Variants in ALPK2 observed in about 807,000 individuals in gnomAD.
ALPK2 encodes alpha kinase 2, also known as alpha-protein kinase 2.
In ALPK2, 127 loss-of-function variants were observed where a neutral mutation model predicts 163.1. The ratio of observed to expected loss-of-function variants is 0.78; its 90% CI spans 0.67 to 0.90. The LOEUF (loss-of-function observed/expected upper bound fraction) is 0.90, where lower values mean the gene tolerates loss of function less well. ALPK2 is among the 40% of genes least tolerant of loss of function. The pLI is 0.00. For missense variants in ALPK2, 2,360 were observed against 2,589.6 expected (o/e 0.91, Z 1.92); for synonymous variants, 953 against 959.1 (o/e 0.99, Z 0.12).
chr18:58,481,927 T>G lies in ALPK2; in HGVS notation c.6409A>C (p.Asn2137His). The part of the protein sequence containing the change: ...MLGLKSLQNN[N>H]QKQKQPSIGK... ...ATGCTCGGCTGCTTCTGTTTCTGGT[T>G]GTTGTTTTGAAGGGATTTCAGTCCC... The change falls in exon 13 of 13, where the codon AAC (asparagine) becomes CAC (histidine). Residue 2137 changes from asparagine (N) to histidine (H), a missense_variant. Coordinates refer to ENST00000361673, the MANE Select transcript of ALPK2 (RefSeq NM_052947.4). The G allele has an allele frequency of 6.2e-7, 1 of 1,614,238 alleles. No homozygotes were observed. The highest frequency in any genetic ancestry group is 1.1e-5 in the South Asian group (1 of 91,084).
At chr18:58,612,033 A>G (rs577795691) in intron 1 of ALPK2, among the ~76,000 whole-genome samples, 64 of 152,240 alleles carry the variant, frequency 4.2e-4, no homozygotes, top group African/African-American at 1.5e-3. Context: ...GCATTGCAGG[A>G]TATTTAGCCG....
intron 4 of ALPK2, among the ~76,000 whole-genome samples, chr18:58,574,848 T>C (rs1249897621): frequency 6.6e-6 from 1 of 152,148 alleles, no homozygotes; most frequent in Non-Finnish European, 1.5e-5. Flanking sequence ...GCATCTTTTA[T>C]GTGAAGGCAA....
In ALPK2 at chr18:58,611,830, A is replaced by G. The variant is rs1337606629; in HGVS notation, c.-20-13T>C. The G allele has an allele frequency of 2.2e-5, 31 of 1,440,930 alleles. No individual in the cohort carries two copies. The African/African-American group carries it at 4.4e-4, about 20-fold the overall frequency. 89.3% of individuals were successfully genotyped at this position (1,440,930 alleles called of 1,614,324 possible). On this transcript the variant is annotated splice_polypyrimidine_tract_variant and intron_variant, in intron 1 of 12. Coordinates refer to ENST00000361673, the MANE Select transcript of ALPK2 (RefSeq NM_052947.4). Reference sequence around the variant, plus strand: ...TGCCGCACCAAATCTGAAAAAAAAAAAAATCCCCGACATCACCATTTGTTC... The same window carrying G: ...TGCCGCACCAAATCTGAAAAAAAAAGAAATCCCCGACATCACCATTTGTTC...
At chr18:58,565,754 CCTTCCTTCCTTCCTTCCTTT>C (rs1434392333) in intron 4 of ALPK2, among the ~76,000 whole-genome samples, 3 of 145,130 alleles carry the variant, frequency 2.1e-5, no homozygotes, top group Non-Finnish European at 3.0e-5. Flanking sequence ...TTCCTTCCTT[CCTTCCTTCCTTCCTTCCTTT>C]CTTTCTTTCT....
chr18:58,561,799 G>T (rs1350083009), intron 4 of ALPK2, among the ~76,000 whole-genome samples: 1 of 152,180 alleles, frequency 6.6e-6, no homozygotes, highest in Non-Finnish European at 1.5e-5. Flanking sequence ...CAACCTCCCA[G>T]CTCATGAAGT....
chr18:58,487,419 A>G (rs2051345241), intron 12 of ALPK2, among the ~76,000 whole-genome samples: 1 of 152,128 alleles, frequency 6.6e-6, no homozygotes, highest in African/African-American at 2.4e-5. Flanking sequence ...AACCCTGCCA[A>G]CCCCTTGATT....
chr18:58,580,351 T>G lies in ALPK2; in HGVS notation c.425A>C (p.Glu142Ala). 1 of 1,614,170 alleles carries G rather than the reference T, an allele frequency of 6.2e-7. No individual in the cohort carries two copies. Among genetic ancestry groups the G allele is most frequent in the Admixed American group, 1.7e-5 (1 of 60,028 alleles). Residue 142 changes from glutamate to alanine, a missense_variant, in exon 4 of 13, where the codon GAG becomes GCG. Glu to Ala is a moderately radical substitution (Grantham distance 107). Coordinates refer to ENST00000361673, the MANE Select transcript of ALPK2 (RefSeq NM_052947.4). ...HEEERANQID[E>A]KEHPYKEEES... Reference sequence around the variant, plus strand: ...TTCTTCCTTATAAGGATGTTCCTTCTCATCAATCTGATTTGCCCTTTCTTC... The same window carrying G: ...TTCTTCCTTATAAGGATGTTCCTTCGCATCAATCTGATTTGCCCTTTCTTC...
intron 8 of ALPK2, among the ~76,000 whole-genome samples, chr18:58,521,607 TTTTC>T (rs1326734860): frequency 4.9e-5 from 7 of 142,160 alleles, no homozygotes; most frequent in Non-Finnish European, 1.1e-4. Context: ...GGCCATTTCT[TTTTC>T]TTTCTTTCTC....
chr18:58,570,163 G>A (rs1190658569), intron 4 of ALPK2, among the ~76,000 whole-genome samples: 2 of 150,924 alleles, frequency 1.3e-5, no homozygotes, highest in South Asian at 2.1e-4. Flanking sequence ...AAAAACCTCC[G>A]CCCTTCCCAT....
At chr18:58,600,767 T>C (rs1177399526) in intron 3 of ALPK2, 1 of 152,212 alleles carries the variant, frequency 6.6e-6, no homozygotes, top group Non-Finnish European at 1.5e-5. Flanking sequence ...CTTAAAACCT[T>C]GTGTCTGGGT....
At position 58,499,624 on chromosome 18, in the gene ALPK2, G is replaced by A. The variant is rs116143966; in HGVS notation, c.6248-1527C>T. On this transcript the variant is annotated intron_variant, in intron 11 of 12. Coordinates refer to ENST00000361673, the MANE Select transcript of ALPK2 (RefSeq NM_052947.4). The stretch of plus-strand genomic sequence containing the variant: ...GTGGACCTCTGCCAGGACCTTACCC[G>A]TGCAATCTAGTGATGACATTTTATC... 1.9e-3 allele frequency among the ~76,000 whole-genome samples: 296 copies of A among 152,298 alleles called. 2 individuals are homozygous for A. The highest frequency in any genetic ancestry group is 6.9e-3 in the African/African-American group (285 of 41,560).
chr18:58,523,503 A>G (rs1049462917), intron 8 of ALPK2, among the ~76,000 whole-genome samples: 7 of 152,212 alleles, frequency 4.6e-5, no homozygotes, highest in Non-Finnish European at 7.3e-5. Flanking sequence ...GACTTCCACA[A>G]TGGTTGAACT....
chr18:58,572,918 G>A (rs1280578644), intron 4 of ALPK2, among the ~76,000 whole-genome samples: 2 of 152,104 alleles, frequency 1.3e-5, no homozygotes, highest in East Asian at 3.8e-4. Context: ...TCAATATCCT[G>A]GTTATGACAT....
chr18:58,599,324 G>C (rs1286021714), intron 3 of ALPK2, among the ~76,000 whole-genome samples: 1 of 152,184 alleles, frequency 6.6e-6, no homozygotes, highest in Non-Finnish European at 1.5e-5. Context: ...CTGAGTCATG[G>C]CCCTGATGCG....
chr18:58,589,542 A>G (rs2052004619), intron 3 of ALPK2, among the ~76,000 whole-genome samples: 1 of 152,212 alleles, frequency 6.6e-6, no homozygotes, highest in South Asian at 2.1e-4. Context: ...TAGAAAAGGA[A>G]GACATAAACG....
intron 1 of ALPK2, among the ~76,000 whole-genome samples, chr18:58,614,110 C>T (rs2052151241): frequency 6.6e-6 from 1 of 152,128 alleles, no homozygotes; most frequent in Non-Finnish European, 1.5e-5. Context: ...TGTGCTTAAA[C>T]CTGAAGTTAA....
At chr18:58,504,561 TTCAG>T (rs2051451893) in intron 10 of ALPK2, among the ~76,000 whole-genome samples, 1 of 152,228 alleles carries the variant, frequency 6.6e-6, no homozygotes, top group African/African-American at 2.4e-5. Flanking sequence ...TTTCCTCTCA[TTCAG>T]TCAACCAATA....
intron 2 of ALPK2, among the ~76,000 whole-genome samples, 193 bp downstream of exon 2, chr18:58,611,496 G>A (rs1350728905): frequency 2.0e-5 from 3 of 152,152 alleles, no homozygotes; most frequent in East Asian, 1.9e-4. Context: ...TCACTAAATC[G>A]TGTCCAGGAA....
intron 5 of ALPK2, among the ~76,000 whole-genome samples, chr18:58,531,136 G>C (rs1270336557): frequency 6.6e-6 from 1 of 152,082 alleles, no homozygotes; most frequent in Admixed American, 6.5e-5. Context: ...TCAAGGCTGC[G>C]GTGAGCCATG....
Sources: gnomAD v4.1 joint callset for allele counts (sites outside exome capture counted in the v4.1 genomes callset) on GRCh38, gnomAD v4.1.1 for gene constraint, MANE v1.5 for transcripts, NCBI Gene and HGNC (gene_info 2026-07-23, HGNC 2026-07-21) for gene names.